Variants in CSMD1 observed in about 807,000 individuals in gnomAD.
The protein encoded by CSMD1 is CUB and sushi domain-containing protein 1.
A neutral mutation model predicts 417.5 loss-of-function variants in CSMD1; 213 were observed. The observed-to-expected ratio is 0.51, with a 90% CI of 0.46 to 0.57. The LOEUF is 0.57. CSMD1 is among the 20% of genes least tolerant of loss of function. The pLI is 0.00. For missense variants in CSMD1, 6,923 were observed against 4,529.7 expected, an observed-to-expected ratio of 1.53 and a Z score of -15.17; for synonymous variants, 2,862 against 1,736.8, an observed-to-expected ratio of 1.65 and a Z score of -16.11.
At chr8:4,601,168 T>G (rs1248582407) in intron 2 of CSMD1, among the ~76,000 whole-genome samples, 1 of 152,178 alleles carries the variant, frequency 6.6e-6, no homozygotes, top group Non-Finnish European at 1.5e-5. Flanking sequence ...TTGGTCAGGC[T>G]GGTCTCGAAC....
chr8:4,492,057 G>A (rs932529818), intron 2 of CSMD1, among the ~76,000 whole-genome samples: 4 of 151,554 alleles, frequency 2.6e-5, no homozygotes, highest in Non-Finnish European at 5.9e-5. Context: ...AAAAAGAAAC[G>A]ACCTGTCAAG....
chr8:3,645,503 G>C (rs1187968015), intron 7 of CSMD1, among the ~76,000 whole-genome samples: 2 of 152,192 alleles, frequency 1.3e-5, no homozygotes, highest in Non-Finnish European at 2.9e-5. Context: ...AATGGGGAAG[G>C]GGAAGGAAGG....
intron 1 of CSMD1, among the ~76,000 whole-genome samples, chr8:4,791,891 T>C (rs530169429): frequency 3.3e-5 from 5 of 152,316 alleles, no homozygotes; most frequent in Admixed American, 2.0e-4. Context: ...CAGCAACAAT[T>C]GGTTCATCTT....
chr8:4,474,172 A>G (rs1463797507), intron 2 of CSMD1, among the ~76,000 whole-genome samples: 2 of 152,226 alleles, frequency 1.3e-5, no homozygotes, highest in East Asian at 1.9e-4. Context: ...ACACATGGAA[A>G]TAATCTTCGT....
intron 1 of CSMD1, among the ~76,000 whole-genome samples, chr8:4,819,992 G>C (rs1018469399): frequency 2.0e-5 from 3 of 152,126 alleles, no homozygotes; most frequent in East Asian, 3.8e-4. Flanking sequence ...GTAAACCTAT[G>C]TAATTGTTCT....
At chr8:3,931,957 C>A (rs975355876) in intron 5 of CSMD1, among the ~76,000 whole-genome samples, 1 of 148,336 alleles carries the variant, frequency 6.7e-6, no homozygotes, top group Admixed American at 6.7e-5. Context: ...CTAAAAAGGA[C>A]TTTTTAAAAA....
In CSMD1 at chr8:3,073,260, G is replaced by C. The variant is rs148450893; in HGVS notation, c.7474+13837C>G. Among the ~76,000 whole-genome samples, 266 of 152,250 alleles carry C rather than the reference G, an allele frequency of 1.7e-3. 4 individuals are homozygous for C. The highest frequency in any genetic ancestry group is 6.0e-3 in the African/African-American group (248 of 41,570). ...ATCATGCATGTAAACAGAAAGAACAGCATGTCCAGAAATAGATACCCACCT... is the reference window on the plus strand; with the variant it reads ...ATCATGCATGTAAACAGAAAGAACACCATGTCCAGAAATAGATACCCACCT... On this transcript the variant is annotated intron_variant, in intron 49 of 69. Coordinates refer to ENST00000635120, the MANE Select transcript of CSMD1 (RefSeq NM_033225.6).
At position 3,616,657 on chromosome 8, in the gene CSMD1, AAT is replaced by A. The variant is rs1235129474; in HGVS notation, c.1097+51_1097+52del. ...GTTAAATTTAACTGCAAGCTGAAAT[AAT>A]ATATGTCTTAAAAATAACATGCTTT... On this transcript the variant is annotated intron_variant, in intron 8 of 69. Transcript: ENST00000635120. The A allele has an allele frequency of 1.8e-5, 21 of 1,162,988 alleles. No homozygotes were observed. In the African/African-American group the frequency reaches 3.2e-4, roughly 18 times the overall value. 72.0% of individuals were successfully genotyped at this position (1,162,988 alleles called of 1,614,324 possible).
At chr8:4,026,439 T>C (rs572639836) in intron 4 of CSMD1, among the ~76,000 whole-genome samples, 216 of 152,352 alleles carry the variant, frequency 1.4e-3, no homozygotes, top group Non-Finnish European at 1.9e-3. Flanking sequence ...CTGACTGTTA[T>C]GTCAACTTTG....
At position 3,493,058 on chromosome 8, in the gene CSMD1, C is replaced by A. The variant is rs551896903; in HGVS notation, c.1448+565G>T. Among the ~76,000 whole-genome samples, 128 of 152,140 alleles carry A rather than the reference C, an allele frequency of 8.4e-4. 1 individual carries two copies. Among genetic ancestry groups the A allele is most frequent in the African/African-American group, 2.9e-3 (122 of 41,510 alleles). On this transcript the variant is annotated intron_variant, in intron 11 of 69. Transcript: ENST00000635120. ...CTGTAATCCCCAACACTTTGGGAGGCTGAAGTGGGCAAATCACCAGAGGTC... is the reference window on the plus strand; with the variant it reads ...CTGTAATCCCCAACACTTTGGGAGGATGAAGTGGGCAAATCACCAGAGGTC...
chr8:3,818,529 G>C (rs1563111125), intron 5 of CSMD1, among the ~76,000 whole-genome samples: 1 of 152,218 alleles, frequency 6.6e-6, no homozygotes, highest in African/African-American at 2.4e-5. Context: ...ACCAGGGTAG[G>C]CTTACCCCAA....
At chr8:3,667,923 C>A (rs1265021027) in intron 7 of CSMD1, among the ~76,000 whole-genome samples, 4 of 152,094 alleles carry the variant, frequency 2.6e-5, no homozygotes, top group Admixed American at 2.6e-4. Flanking sequence ...TGCGGAGACA[C>A]CACTGGTGCC....
At chr8:4,223,103 G>C (rs1370423606) in intron 3 of CSMD1, among the ~76,000 whole-genome samples, 1 of 151,026 alleles carries the variant, frequency 6.6e-6, no homozygotes, top group Non-Finnish European at 1.5e-5. Flanking sequence ...CCTGCCCTGA[G>C]CATCTGTAGT....
chr8:2,939,520 C>G (rs1801717254), intron 69 of CSMD1, among the ~76,000 whole-genome samples: 1 of 152,178 alleles, frequency 6.6e-6, no homozygotes, highest in Non-Finnish European at 1.5e-5. Context: ...AGAATCATGT[C>G]TGGTCTGCTC....
intron 1 of CSMD1, among the ~76,000 whole-genome samples, chr8:4,680,860 G>A (rs1338207954): frequency 1.3e-5 from 2 of 152,052 alleles, no homozygotes; most frequent in South Asian, 4.2e-4. Context: ...GATTATAAGT[G>A]TGAGCCACTG....
At chr8:3,774,453 T>G (rs1798792946) in intron 5 of CSMD1, among the ~76,000 whole-genome samples, 1 of 152,180 alleles carries the variant, frequency 6.6e-6, no homozygotes, top group African/African-American at 2.4e-5. Flanking sequence ...CTGCCTAATG[T>G]GTGCTTTGTT....
intron 21 of CSMD1, among the ~76,000 whole-genome samples, chr8:3,348,459 A>ATGGCTCAC (rs1253721912): frequency 6.6e-6 from 1 of 152,218 alleles, no homozygotes; most frequent in African/African-American, 2.4e-5. Flanking sequence ...CTCCAGCACC[A>ATGGCTCAC]TGGCTCACTG....
At chr8:4,317,716 G>C (rs750122778) in intron 3 of CSMD1, among the ~76,000 whole-genome samples, 1 of 152,136 alleles carries the variant, frequency 6.6e-6, no homozygotes, top group African/African-American at 2.4e-5. Context: ...AAAGAGAAGC[G>C]ATAGCTCAGC....
At chr8:4,477,787 A>G (rs1800884948) in intron 2 of CSMD1, among the ~76,000 whole-genome samples, 1 of 152,170 alleles carries the variant, frequency 6.6e-6, no homozygotes, top group African/African-American at 2.4e-5. Flanking sequence ...GAGAACTTTT[A>G]TTAAGGTGGC....
Sources: allele counts gnomAD v4.1 joint callset (sites outside exome capture counted in the v4.1 genomes callset), GRCh38; gene constraint gnomAD v4.1.1; transcripts MANE v1.5; gene names NCBI Gene and HGNC (gene_info 2026-07-23, HGNC 2026-07-21).